Variants in TENM3 observed in about 807,000 individuals in gnomAD.
The protein encoded by TENM3 is teneurin-3.
Under a neutral mutation model 255.1 loss-of-function variants are expected in TENM3, and 63 were observed. That is an observed-to-expected ratio of 0.25 (90% CI 0.20 to 0.30). TENM3 has a LOEUF of 0.30. Ranked by LOEUF, TENM3 falls within the 10% of genes least tolerant of loss-of-function variation. The probability of loss-of-function intolerance (pLI) is 1.00; values close to 1 mark genes in which losing one functional copy is unlikely to be tolerated. For synonymous variants in TENM3, 1,306 were observed against 1,322.3 expected (o/e 0.99, Z 0.27); for missense variants, 2,929 against 3,461.1 (o/e 0.85, Z 3.86).
At chr4:181,635,747 T>G in the TENM3 span, among the ~76,000 whole-genome samples, 1 of 152,184 alleles carries the variant, frequency 6.6e-6, no homozygotes, top group African/African-American at 2.4e-5. Flanking sequence ...GCTTTCTTTG[T>G]AGGATTTCCT....
At chr4:181,873,106 C>T in the TENM3 span, among the ~76,000 whole-genome samples, 7 of 151,580 alleles carry the variant, frequency 4.6e-5, no homozygotes, top group Non-Finnish European at 8.8e-5. Context: ...ATCGCTTTGT[C>T]GCCCAGGCTG....
At chr4:181,583,763 G>A in the TENM3 span, among the ~76,000 whole-genome samples, 1,886 of 152,212 alleles carry the variant, frequency 0.012, 17 homozygotes, top group South Asian at 0.022. Flanking sequence ...CTGTCCTTTC[G>A]AAACGTTCAG....
intron 3 of TENM3, among the ~76,000 whole-genome samples, chr4:182,417,883 AC>A (rs1770506915): frequency 6.6e-6 from 1 of 152,166 alleles, no homozygotes; most frequent in South Asian, 2.1e-4. Context: ...TTCATGATTT[AC>A]CTAAATGTTT....
At chr4:182,427,105 C>T (rs1274503519) in intron 3 of TENM3, among the ~76,000 whole-genome samples, 1 of 152,098 alleles carries the variant, frequency 6.6e-6, no homozygotes, top group East Asian at 1.9e-4. Context: ...TTTTTGGATT[C>T]ATAAATTTAA....
chr4:181,817,295 G>A, the TENM3 span, among the ~76,000 whole-genome samples: 3 of 152,086 alleles, frequency 2.0e-5, no homozygotes, highest in African/African-American at 4.8e-5. Context: ...GTGCCACAGG[G>A]GTCATTATAG....
intron 1 of TENM3, among the ~76,000 whole-genome samples, chr4:182,154,874 A>C (rs1006628146): frequency 6.6e-6 from 1 of 152,250 alleles, no homozygotes; most frequent in South Asian, 2.1e-4. Flanking sequence ...GGATTTTAAA[A>C]AAGAAAATGA....
chr4:182,490,511 C>G (rs1735190386), intron 3 of TENM3, among the ~76,000 whole-genome samples: 1 of 151,978 alleles, frequency 6.6e-6, no homozygotes, highest in African/African-American at 2.4e-5. Flanking sequence ...GCTCACCAAA[C>G]AATAAATCAT....
intron 22 of TENM3, among the ~76,000 whole-genome samples, chr4:182,767,593 G>T (rs1003634002): frequency 2.6e-4 from 40 of 151,678 alleles, no homozygotes; most frequent in African/African-American, 7.0e-4. Flanking sequence ...TTTCTGGGTG[G>T]GTGTGTGTGT....
chr4:181,602,223 G>C, the TENM3 span, among the ~76,000 whole-genome samples: 27 of 152,224 alleles, frequency 1.8e-4, no homozygotes, highest in Non-Finnish European at 3.4e-4. Flanking sequence ...GTTTTCCAAA[G>C]TGCATGTAAC....
the TENM3 span, among the ~76,000 whole-genome samples, chr4:181,817,601 T>C: frequency 1.3e-5 from 2 of 152,170 alleles, no homozygotes; most frequent in Non-Finnish European, 2.9e-5. Context: ...TTGGGAGGTG[T>C]GCCCTTAGGA....
At chr4:181,758,757 T>C in the TENM3 span, among the ~76,000 whole-genome samples, 14 of 152,208 alleles carry the variant, frequency 9.2e-5, no homozygotes, top group Non-Finnish European at 1.9e-4. Flanking sequence ...AGCCAGCACC[T>C]ACATCGGGCC....
intron 3 of TENM3, among the ~76,000 whole-genome samples, chr4:182,522,660 G>A (rs1282255687): frequency 4.6e-5 from 7 of 152,166 alleles, no homozygotes; most frequent in Admixed American, 4.6e-4. Context: ...GGTTACGTAG[G>A]TAGACATCTG....
intron 1 of TENM3, among the ~76,000 whole-genome samples, chr4:182,284,676 G>C (rs375407784): frequency 1.8e-4 from 27 of 152,084 alleles, no homozygotes; most frequent in African/African-American, 6.0e-4. Flanking sequence ...GACTGGTGTC[G>C]CGTTGGAAAA....
At chr4:181,469,426 C>T in the TENM3 span, among the ~76,000 whole-genome samples, 1 of 152,058 alleles carries the variant, frequency 6.6e-6, no homozygotes, top group Non-Finnish European at 1.5e-5. Flanking sequence ...TATAATATTC[C>T]TACTTGGACA....
At chr4:182,122,935 T>A in the TENM3 span, among the ~76,000 whole-genome samples, 3 of 152,234 alleles carry the variant, frequency 2.0e-5, no homozygotes, top group East Asian at 5.8e-4. Context: ...GGATAACTTG[T>A]TGCAGCTTCT....
chr4:182,538,217 A>G (rs1232100768), intron 3 of TENM3, among the ~76,000 whole-genome samples: 2 of 152,194 alleles, frequency 1.3e-5, no homozygotes, highest in Non-Finnish European at 1.5e-5. Context: ...GTTATTAACA[A>G]TTATTTATGG....
At chr4:181,910,341 C>T in the TENM3 span, among the ~76,000 whole-genome samples, 1 of 151,720 alleles carries the variant, frequency 6.6e-6, no homozygotes, top group South Asian at 2.1e-4. Flanking sequence ...CTGAGGAGGA[C>T]AGATCACGAG....
chr4:181,892,145 G>A, the TENM3 span, among the ~76,000 whole-genome samples: 111,508 of 152,098 alleles, frequency 0.73, 41,234 homozygotes, highest in African/African-American at 0.82. Flanking sequence ...GTGGGATTTT[G>A]TTGTTGCAGC....
chr4:182,704,039 T>C (rs1490087536), intron 12 of TENM3, among the ~76,000 whole-genome samples: 4 of 152,214 alleles, frequency 2.6e-5, no homozygotes, highest in Non-Finnish European at 5.9e-5. Flanking sequence ...TTTTTTTTAA[T>C]TAATGTTAAG....
Sources: allele counts gnomAD v4.1 joint callset (sites outside exome capture counted in the v4.1 genomes callset), GRCh38; gene constraint gnomAD v4.1.1; transcripts MANE v1.5; gene names NCBI Gene and HGNC (gene_info 2026-07-23, HGNC 2026-07-21).